The following CPEB3 variants were observed in gnomAD, a reference collection of about 807,000 sequenced individuals.
CPEB3 encodes the protein cytoplasmic polyadenylation element binding protein 3, also known as cytoplasmic polyadenylation element-binding protein 3.
In CPEB3, 20 loss-of-function variants were observed where a neutral mutation model predicts 67.2. The observed-to-expected ratio is 0.30, with a 90% CI of 0.21 to 0.43. CPEB3 has a LOEUF of 0.43. CPEB3 is among the 20% of genes least tolerant of loss of function. The probability of loss-of-function intolerance (pLI) is 1.00; values close to 1 mark genes in which losing one functional copy is unlikely to be tolerated. For synonymous variants in CPEB3, 376 were observed against 393.1 expected (o/e 0.96, Z 0.51); for missense variants, 746 against 968.6 (o/e 0.77, Z 3.05).
intron 2 of CPEB3, among the ~76,000 whole-genome samples, chr10:92,211,032 AGAGT>A (rs1381462835): frequency 6.6e-6 from 1 of 152,250 alleles, no homozygotes; most frequent in East Asian, 1.9e-4. Flanking sequence ...CCTGGGCAAC[AGAGT>A]GAGACTCCAT....
At chr10:92,081,523 T>C (rs1384329422) in intron 8 of CPEB3, 22 bp from the exon 9 acceptor site, 1 of 1,595,844 alleles carries the variant, frequency 6.3e-7, no homozygotes, top group Non-Finnish European at 8.6e-7. Flanking sequence ...AAACAAAACA[T>C]GGATGTGTAT....
rs74149374 is a variant in CPEB3 at position 92,094,945 on chromosome 10, T to A, written c.1573-3001A>T. Among the ~76,000 whole-genome samples, 818 of 152,298 alleles carry A rather than the reference T, an allele frequency of 5.4e-3. 8 individuals carry two copies. Among genetic ancestry groups the A allele is most frequent in the African/African-American group, 0.019 (779 of 41,576 alleles). On this transcript the variant is annotated intron_variant, in intron 7 of 9. Coordinates refer to ENST00000265997, the MANE Select transcript of CPEB3 (RefSeq NM_014912.5). ...GTAAGGTAATTCCAATCACTTTATG[T>A]TAATTGCGTTTGATCATAGATCACT... is the stretch of plus-strand genomic sequence containing the variant.
intron 8 of CPEB3, among the ~76,000 whole-genome samples, chr10:92,087,850 A>G (rs1279595746): frequency 6.6e-6 from 1 of 152,208 alleles, no homozygotes; most frequent in Non-Finnish European, 1.5e-5. Flanking sequence ...TTGTACTTCC[A>G]GGTGGCAGCA....
At chr10:92,188,517 C>T (rs1012654902) in intron 3 of CPEB3, among the ~76,000 whole-genome samples, 1 of 151,730 alleles carries the variant, frequency 6.6e-6, no homozygotes. Flanking sequence ...GTCAGGAGTT[C>T]GAGACCAGCC....
rs532083168 is a variant in CPEB3 at position 92,258,314 on chromosome 10, G to A, written c.-11-17953C>T. On this transcript the variant is annotated intron_variant, in intron 1 of 9. Transcript: ENST00000265997. ...AGGATTTTGACATGTTGGCCAGGCT[G>A]GTCTTGAACTCCTGACCTCAGGTGA... Among the ~76,000 whole-genome samples the A allele has an allele frequency of 6.1e-4, 92 of 151,428 alleles. No homozygotes were observed. The East Asian group carries it at 0.012, about 20-fold the overall frequency.
chr10:92,267,400 G>C (rs913119301), intron 1 of CPEB3, among the ~76,000 whole-genome samples: 2 of 152,308 alleles, frequency 1.3e-5, no homozygotes, highest in Admixed American at 1.3e-4. Flanking sequence ...ATCTATTGGA[G>C]CTAGAGGGTA....
intron 6 of CPEB3, among the ~76,000 whole-genome samples, chr10:92,125,490 C>T (rs968967508): frequency 2.0e-5 from 3 of 152,166 alleles, no homozygotes; most frequent in East Asian, 1.9e-4. Context: ...ATTCTCTGTC[C>T]CACTATGAGA....
chr10:92,287,082 T>C (rs965687124), intron 1 of CPEB3, among the ~76,000 whole-genome samples: 8 of 152,354 alleles, frequency 5.3e-5, no homozygotes, highest in African/African-American at 1.7e-4. Flanking sequence ...AAGTTGTTTT[T>C]GTCTATAGTC....
At chr10:92,121,455 T>C (rs867685999) in intron 6 of CPEB3, among the ~76,000 whole-genome samples, 23 of 150,144 alleles carry the variant, frequency 1.5e-4, no homozygotes, top group Non-Finnish European at 3.3e-4. Context: ...ATGCTAACAA[T>C]TGGTGAATCT....
At chr10:92,202,441 G>C (rs1178296668) in intron 2 of CPEB3, among the ~76,000 whole-genome samples, 1 of 146,842 alleles carries the variant, frequency 6.8e-6, no homozygotes, top group Non-Finnish European at 1.5e-5. Flanking sequence ...TGCATATAAT[G>C]CAATAACATT....
At chr10:92,097,007 C>T (rs1314816102) in intron 7 of CPEB3, among the ~76,000 whole-genome samples, 1 of 152,084 alleles carries the variant, frequency 6.6e-6, no homozygotes, top group Non-Finnish European at 1.5e-5. Context: ...AGCTTTTGGG[C>T]CATGCCATGT....
At chr10:92,234,277 G>A (rs556320505) in intron 2 of CPEB3, among the ~76,000 whole-genome samples, 3 of 152,160 alleles carry the variant, frequency 2.0e-5, no homozygotes, top group Admixed American at 2.0e-4. Context: ...CCTATTTTGG[G>A]ACTTTGATTT....
intron 3 of CPEB3, among the ~76,000 whole-genome samples, chr10:92,191,263 G>A (rs1023974543): frequency 1.3e-5 from 2 of 151,916 alleles, no homozygotes; most frequent in African/African-American, 2.4e-5. Flanking sequence ...CCAGCAGGGC[G>A]AGGTGGCGGG....
chr10:92,187,491 C>T (rs1220228909), intron 3 of CPEB3, among the ~76,000 whole-genome samples: 1 of 152,172 alleles, frequency 6.6e-6, no homozygotes, highest in Admixed American at 6.5e-5. Context: ...GTAACTCCTC[C>T]CTGTTTTTGC....
At chr10:92,285,356 C>T (rs763197196) in intron 1 of CPEB3, among the ~76,000 whole-genome samples, 26 of 152,244 alleles carry the variant, frequency 1.7e-4, no homozygotes, top group Admixed American at 7.8e-4. Flanking sequence ...CTGCAACCTC[C>T]GCCTCCTGGG....
At chr10:92,162,919 C>A (rs886563555) in intron 4 of CPEB3, among the ~76,000 whole-genome samples, 1 of 152,110 alleles carries the variant, frequency 6.6e-6, no homozygotes, top group Non-Finnish European at 1.5e-5. Context: ...ATTTCGTGTA[C>A]GCCCCCTAGC....
chr10:92,284,395 G>A (rs1842440574), intron 1 of CPEB3, among the ~76,000 whole-genome samples: 1 of 152,026 alleles, frequency 6.6e-6, no homozygotes, highest in Non-Finnish European at 1.5e-5. Context: ...TCCTCTCCTA[G>A]GGTAGGGCAA....
chr10:92,247,701 C>T (rs1056316494), intron 1 of CPEB3, among the ~76,000 whole-genome samples: 20 of 151,906 alleles, frequency 1.3e-4, no homozygotes, highest in African/African-American at 4.1e-4. Flanking sequence ...TAAGTAGAGA[C>T]GGGGTTTCAC....
intron 1 of CPEB3, among the ~76,000 whole-genome samples, chr10:92,270,182 G>A (rs1431418945): frequency 6.6e-6 from 1 of 152,200 alleles, no homozygotes; most frequent in East Asian, 1.9e-4. Flanking sequence ...AATTTCAAGT[G>A]AATAAGAGAG....
Sources: gnomAD v4.1 joint callset for allele counts (sites outside exome capture counted in the v4.1 genomes callset) on GRCh38, gnomAD v4.1.1 for gene constraint, MANE v1.5 for transcripts, NCBI Gene and HGNC (gene_info 2026-07-23, HGNC 2026-07-21) for gene names.